Variants in PPTC7 observed in about 807,000 individuals in gnomAD.
PPTC7 encodes protein phosphatase PTC7 homolog.
PPTC7 carries 6 observed loss-of-function variants against 30.8 expected under a neutral mutation model. The observed-to-expected ratio is 0.19, with a 90% CI of 0.11 to 0.38. PPTC7 has a LOEUF of 0.38. Ranked by LOEUF, PPTC7 falls within the 10% of genes least tolerant of loss-of-function variation. PPTC7 has a pLI of 1.00. For missense variants in PPTC7, 218 were observed against 404.8 expected (o/e 0.54, Z 3.96); for synonymous variants, 163 against 168.1 (o/e 0.97, Z 0.23).
At chr12:110,538,041 T>C (rs909632128) in intron 5 of PPTC7, 103 bp downstream of exon 5, 6 of 1,268,844 alleles carry the variant, frequency 4.7e-6, no homozygotes, top group Non-Finnish European at 6.6e-6. Context: ...GTTTGGGGGC[T>C]GGGAGAGGAC....
intron 1 of PPTC7, among the ~76,000 whole-genome samples, chr12:110,557,803 C>T (rs370581565): frequency 1.4e-3 from 219 of 152,222 alleles, no homozygotes; most frequent in African/African-American, 5.1e-3. Flanking sequence ...TTCTGCATGG[C>T]TGGGGAGGCC....
intron 3 of PPTC7, among the ~76,000 whole-genome samples, chr12:110,545,643 A>G (rs1244100879): frequency 6.6e-6 from 1 of 152,236 alleles, no homozygotes; most frequent in African/African-American, 2.4e-5. Flanking sequence ...GTAAGCCTGA[A>G]ATAGTATTTT....
chr12:110,583,273 G>A lies in PPTC7; in HGVS notation c.-242C>T, dbSNP rs1485343836. 2 of 166,614 alleles carry A rather than the reference G, an allele frequency of 1.2e-5. No homozygotes were observed. Among genetic ancestry groups the A allele is most frequent in the Non-Finnish European group, 2.5e-5 (2 of 79,268 alleles). 10.3% of individuals were successfully genotyped at this position (166,614 alleles called of 1,614,324 possible). ...TCCGCCTCAGCCCAACTGAAGTCCC[G>A]GCTGCAGCGGCCGCCGCCGCCGCCG... On this transcript the variant is annotated 5_prime_UTR_variant, in exon 1 of 6. Transcript: ENST00000354300.
intron 1 of PPTC7, among the ~76,000 whole-genome samples, chr12:110,561,432 G>C (rs956383674): frequency 3.3e-5 from 5 of 152,034 alleles, no homozygotes; most frequent in Admixed American, 2.0e-4. Flanking sequence ...TCCTGCCTCA[G>C]CCTCCCGAGT....
intron 1 of PPTC7, among the ~76,000 whole-genome samples, chr12:110,579,390 C>T (rs573117657): frequency 6.6e-6 from 1 of 152,168 alleles, no homozygotes; most frequent in African/African-American, 2.4e-5. Flanking sequence ...TCAAACATGG[C>T]TAACAACCAC....
chr12:110,540,065 T>A, intron 3 of PPTC7, 120 bp from the exon 4 acceptor site: 1 of 808,458 alleles, frequency 1.2e-6, no homozygotes. Flanking sequence ...TGATTTATCA[T>A]AATGGAGTCA....
At chr12:110,571,094 G>T (rs35072273) in intron 1 of PPTC7, among the ~76,000 whole-genome samples, 1 of 152,190 alleles carries the variant, frequency 6.6e-6, no homozygotes. Context: ...TCCCGAGGAC[G>T]TCTACAGTCA....
At chr12:110,554,327 C>G (rs2064370631) in intron 1 of PPTC7, among the ~76,000 whole-genome samples, 1 of 152,106 alleles carries the variant, frequency 6.6e-6, no homozygotes, top group Non-Finnish European at 1.5e-5. Flanking sequence ...GGTCATGCCA[C>G]CACACCCAGC....
chr12:110,538,339 CT>C (rs2135757878), intron 4 of PPTC7, 66 bp from the exon 5 acceptor site: 4 of 1,466,084 alleles, frequency 2.7e-6, no homozygotes, highest in East Asian at 2.3e-5. Context: ...ATCTAACCAC[CT>C]TTTCCATCAT....
intron 3 of PPTC7, 41 bp downstream of exon 3, chr12:110,545,839 C>T: frequency 6.3e-7 from 1 of 1,593,594 alleles, no homozygotes; most frequent in Non-Finnish European, 8.6e-7. Flanking sequence ...TATGAATGAG[C>T]CACGTCCTGC....
chr12:110,554,919 C>T (rs1454929432), intron 1 of PPTC7, among the ~76,000 whole-genome samples: 2 of 152,110 alleles, frequency 1.3e-5, no homozygotes, highest in East Asian at 3.8e-4. Context: ...TCATACCATT[C>T]TGTATTAATT....
intron 3 of PPTC7, among the ~76,000 whole-genome samples, chr12:110,544,749 G>A (rs372042732): frequency 2.6e-4 from 39 of 152,190 alleles, no homozygotes; most frequent in African/African-American, 8.7e-4. Flanking sequence ...CAGGAGAATC[G>A]CTTGAACCAG....
chr12:110,581,188 G>A (rs1389010879), intron 1 of PPTC7, among the ~76,000 whole-genome samples: 3 of 152,084 alleles, frequency 2.0e-5, no homozygotes, highest in Non-Finnish European at 4.4e-5. Flanking sequence ...GCGAACACGA[G>A]GCCGATCACG....
intron 1 of PPTC7, among the ~76,000 whole-genome samples, chr12:110,557,158 G>C (rs2064395783): frequency 6.6e-6 from 1 of 152,204 alleles, no homozygotes; most frequent in South Asian, 2.1e-4. Flanking sequence ...AGCCACATGT[G>C]GCTATTGAGT....
chr12:110,554,797 G>A (rs2064373856), intron 1 of PPTC7, among the ~76,000 whole-genome samples: 1 of 152,096 alleles, frequency 6.6e-6, no homozygotes, highest in South Asian at 2.1e-4. Flanking sequence ...ACATTATTAA[G>A]GCTTTAAATG....
rs1003755515 is a variant in PPTC7, at chr12:110,534,250, T to C, written c.*2787A>G. ...AGCATGTGATAAAAATATTGATTTTTATAATACAGTATTGCTTTATAAATA... is the reference window on the plus strand; with the variant it reads ...AGCATGTGATAAAAATATTGATTTTCATAATACAGTATTGCTTTATAAATA... On this transcript the variant is annotated 3_prime_UTR_variant, in exon 6 of 6. Transcript: ENST00000354300. The C allele has an allele frequency of 1.3e-5, 2 of 152,200 alleles. No homozygotes were observed. The highest frequency in any genetic ancestry group is 2.4e-5 in the African/African-American group (1 of 41,442). The allele number at this position is 152,200 out of a possible 1,614,324, so 9.4% of individuals were successfully genotyped here. A position where few individuals can be genotyped will look rare whatever the true frequency, so the allele number is the denominator to read the frequency against.
intron 3 of PPTC7, among the ~76,000 whole-genome samples, chr12:110,542,760 G>C (rs1156756783): frequency 6.6e-6 from 1 of 150,964 alleles, no homozygotes; most frequent in Non-Finnish European, 1.5e-5. Context: ...ATGTGGCTAA[G>C]GGCAGGAACA....
At chr12:110,537,884 T>C (rs1250254057) in intron 5 of PPTC7, among the ~76,000 whole-genome samples, 1 of 152,218 alleles carries the variant, frequency 6.6e-6, no homozygotes, top group African/African-American at 2.4e-5. Context: ...GGTCCAAGCA[T>C]TGCGGTGGCG....
chr12:110,568,345 C>T (rs1463846401), intron 1 of PPTC7, among the ~76,000 whole-genome samples: 4 of 151,756 alleles, frequency 2.6e-5, no homozygotes, highest in Non-Finnish European at 4.4e-5. Context: ...CTCCGCCTCC[C>T]GGGTTCACGT....
Sources: allele counts gnomAD v4.1 joint callset (sites outside exome capture counted in the v4.1 genomes callset), GRCh38; gene constraint gnomAD v4.1.1; transcripts MANE v1.5; gene names NCBI Gene and HGNC (gene_info 2026-07-23, HGNC 2026-07-21).